The following GATAD2A variants were observed in gnomAD, a reference collection of about 807,000 sequenced individuals.
GATAD2A encodes the protein transcriptional repressor p66-alpha.
A neutral mutation model predicts 68.5 loss-of-function variants in GATAD2A; 12 were observed. The observed-to-expected ratio is 0.18, with a 90% CI of 0.11 to 0.28. The LOEUF (loss-of-function observed/expected upper bound fraction) is 0.28, where lower values mean the gene tolerates loss of function less well. Among genes scored for constraint, GATAD2A ranks in the 10% least tolerant of loss-of-function variants. The pLI is 1.00. For missense variants in GATAD2A, 755 were observed against 868.5 expected, an observed-to-expected ratio of 0.87 and a Z score of 1.64; for synonymous variants, 410 against 375.3, an observed-to-expected ratio of 1.09 and a Z score of -1.07.
intron 2 of GATAD2A, among the ~76,000 whole-genome samples, chr19:19,469,634 A>G (rs1235555734): frequency 1.3e-5 from 2 of 152,114 alleles, no homozygotes; most frequent in Non-Finnish European, 2.9e-5. Context: ...AAAGGCAAGG[A>G]CTATCAGATA....
At chr19:19,412,889 T>A (rs1305869763) in intron 1 of GATAD2A, among the ~76,000 whole-genome samples, 1 of 152,130 alleles carries the variant, frequency 6.6e-6, no homozygotes, top group African/African-American at 2.4e-5. Flanking sequence ...TGACTTAAAA[T>A]TTTTCAACTT....
chr19:19,416,644 C>A (rs1296597198), intron 1 of GATAD2A, among the ~76,000 whole-genome samples: 1 of 151,906 alleles, frequency 6.6e-6, no homozygotes, highest in African/African-American at 2.4e-5. Flanking sequence ...TACTCTGTTG[C>A]CTTGGTTTAT....
At chr19:19,423,460 A>T (rs1019394946) in intron 1 of GATAD2A, among the ~76,000 whole-genome samples, 7 of 152,248 alleles carry the variant, frequency 4.6e-5, no homozygotes, top group Admixed American at 3.9e-4. Context: ...GCAGTGATGA[A>T]GCTTCTGGGA....
rs373183019 is a variant in GATAD2A, at chr19:19,495,774, C to T, written c.645C>T (p.Pro215=). The T allele has an allele frequency of 2.5e-5, 40 of 1,612,094 alleles. 2 individuals carry two copies. In the Middle Eastern group the frequency reaches 2.0e-3, roughly 80 times the overall value. ...PSLQTSSARM[P]GSVIPPPLVR... ...GGCAGACCTCTTCAGCTCGGATGCC[C>T]GGCAGTGTCATACCCCCGCCCCTGG... is the stretch of plus-strand genomic sequence containing the variant. The change falls in exon 6 of 12, where the codon CCC becomes CCT. Residue 215 remains proline, a synonymous_variant. Coordinates refer to ENST00000683918, the MANE Select transcript of GATAD2A (RefSeq NM_001384528.1).
intron 2 of GATAD2A, among the ~76,000 whole-genome samples, chr19:19,483,684 G>A (rs1320638820): frequency 6.6e-6 from 1 of 151,772 alleles, no homozygotes; most frequent in Non-Finnish European, 1.5e-5. Context: ...GCACAATCTC[G>A]GCTCACTGCA....
intron 1 of GATAD2A, among the ~76,000 whole-genome samples, chr19:19,426,801 A>G (rs1434799724): frequency 6.6e-6 from 1 of 152,238 alleles, no homozygotes; most frequent in East Asian, 1.9e-4. Context: ...GGCGTGAGCC[A>G]CTGCCCCCGG....
chr19:19,440,945 T>G (rs2054966871), intron 1 of GATAD2A, among the ~76,000 whole-genome samples: 1 of 125,026 alleles, frequency 8.0e-6, no homozygotes, highest in African/African-American at 4.2e-5. Context: ...CTTCCTTCCC[T>G]TTCCTTCCTT....
At chr19:19,436,589 A>G (rs1044188588) in intron 1 of GATAD2A, among the ~76,000 whole-genome samples, 1 of 151,990 alleles carries the variant, frequency 6.6e-6, no homozygotes, top group Admixed American at 6.6e-5. Flanking sequence ...TTCCTTATTC[A>G]CCGCAAAGCC....
chr19:19,391,500 A>G (rs1273802132), intron 1 of GATAD2A, among the ~76,000 whole-genome samples: 2 of 152,210 alleles, frequency 1.3e-5, no homozygotes, highest in Non-Finnish European at 2.9e-5. Flanking sequence ...AAATATAAGA[A>G]CTAAGGTAAA....
chr19:19,501,554 A>C (rs577521811), intron 9 of GATAD2A, 138 bp downstream of exon 9: 67 of 704,450 alleles, frequency 9.5e-5, no homozygotes, highest in African/African-American at 2.9e-4. Context: ...GGGCGGCAAA[A>C]ACACTAATTT....
At chr19:19,466,701 A>T (rs890929360) in intron 2 of GATAD2A, among the ~76,000 whole-genome samples, 4 of 152,234 alleles carry the variant, frequency 2.6e-5, no homozygotes, top group Non-Finnish European at 4.4e-5. Flanking sequence ...AAAGCCTCCT[A>T]GTCTGAGGAA....
At chr19:19,449,272 G>C (rs1469087648) in intron 1 of GATAD2A, among the ~76,000 whole-genome samples, 3 of 152,152 alleles carry the variant, frequency 2.0e-5, no homozygotes, top group African/African-American at 7.2e-5. Context: ...GCCCAAAACA[G>C]CTTTGCTCTG....
rs528968808 is a variant in GATAD2A at position 19,432,741 on chromosome 19, C to T, written c.-7+26722C>T. On this transcript the variant is annotated intron_variant, in intron 1 of 11. Transcript: ENST00000683918. ...GGAGGGTCCTAGTGTGTTGGAGGCA[C>T]GGCCAGGAGGCCAGTATGGCTGGAA... 4.1e-4 allele frequency among the ~76,000 whole-genome samples: 62 copies of T among 152,270 alleles called. 1 individual carries two copies. Among genetic ancestry groups the T allele is most frequent in the African/African-American group, 1.4e-3 (58 of 41,554 alleles).
upstream of GATAD2A, among the ~76,000 whole-genome samples, chr19:19,401,434 C>G (rs770580420): frequency 1.3e-5 from 2 of 151,932 alleles, no homozygotes; most frequent in Non-Finnish European, 2.9e-5. Flanking sequence ...AGGATGGTCT[C>G]GATCTCCTGA....
chr19:19,482,207 C>T (rs537616130), intron 2 of GATAD2A, among the ~76,000 whole-genome samples: 2 of 152,216 alleles, frequency 1.3e-5, no homozygotes, highest in Non-Finnish European at 2.9e-5. Flanking sequence ...AGTTTGAGAC[C>T]AGCCTGACCA....
At chr19:19,423,318 A>G (rs1484591959) in intron 1 of GATAD2A, among the ~76,000 whole-genome samples, 3 of 152,184 alleles carry the variant, frequency 2.0e-5, no homozygotes, top group African/African-American at 7.2e-5. Context: ...TTTCTCTCTT[A>G]ATTGGCGTAT....
intron 1 of GATAD2A, among the ~76,000 whole-genome samples, chr19:19,399,603 T>A (rs2049549386): frequency 3.3e-5 from 5 of 152,204 alleles, no homozygotes; most frequent in Admixed American, 2.0e-4. Context: ...TATCTTAGTC[T>A]TCCCAAAACA....
At chr19:19,498,860 C>A in intron 8 of GATAD2A, 138 bp downstream of exon 8, 1 of 690,384 alleles carries the variant, frequency 1.4e-6, no homozygotes, top group Non-Finnish European at 2.5e-6. Flanking sequence ...TTGGCAGGGA[C>A]ACCGTCAGTG....
chr19:19,502,165 C>A, intron 10 of GATAD2A, 122 bp downstream of exon 10: 1 of 884,760 alleles, frequency 1.1e-6, no homozygotes, highest in Non-Finnish European at 1.8e-6. Context: ...CACTCTCTCC[C>A]CTCCCCCACC....
Sources: allele counts gnomAD v4.1 joint callset (sites outside exome capture counted in the v4.1 genomes callset), GRCh38; gene constraint gnomAD v4.1.1; transcripts MANE v1.5; gene names NCBI Gene and HGNC (gene_info 2026-07-23, HGNC 2026-07-21).